Variants in ASIC2 observed in about 807,000 individuals in gnomAD.
ASIC2 encodes acid-sensing ion channel 2.
ASIC2 carries 25 observed loss-of-function variants against 57.3 expected under a neutral mutation model. The observed-to-expected ratio is 0.44, with a 90% confidence interval of 0.32 to 0.61. ASIC2 has a LOEUF of 0.61. Ranked by LOEUF, ASIC2 falls within the 20% of genes least tolerant of loss-of-function variation. ASIC2 has a pLI of 0.06. For synonymous variants in ASIC2, 319 were observed against 307.5 expected, an observed-to-expected ratio of 1.04 and a Z score of -0.39; for missense variants, 641 against 738.1, an observed-to-expected ratio of 0.87 and a Z score of 1.52.
At chr17:33,801,132 A>T (rs933111624) in intron 1 of ASIC2, among the ~76,000 whole-genome samples, 15 of 152,152 alleles carry the variant, frequency 9.9e-5, no homozygotes, top group African/African-American at 3.4e-4. Context: ...TGGCCTGGAG[A>T]ACTAGACTTG....
At chr17:33,445,780 A>G (rs1911992216) in intron 1 of ASIC2, among the ~76,000 whole-genome samples, 1 of 139,640 alleles carries the variant, frequency 7.2e-6, no homozygotes, top group African/African-American at 2.6e-5. Flanking sequence ...CTGGGCAACA[A>G]GAGCGAAACT....
intron 1 of ASIC2, among the ~76,000 whole-genome samples, chr17:33,189,229 C>T (rs1391723294): frequency 6.6e-6 from 1 of 151,994 alleles, no homozygotes; most frequent in Non-Finnish European, 1.5e-5. Context: ...CCCCCCACCC[C>T]CTAACAAAGA....
chr17:33,708,329 T>C (rs558525658), intron 1 of ASIC2, among the ~76,000 whole-genome samples: 1 of 152,248 alleles, frequency 6.6e-6, no homozygotes, highest in African/African-American at 2.4e-5. Context: ...TATGCAAAGT[T>C]AAATTTTAGT....
intron 3 of ASIC2, among the ~76,000 whole-genome samples, chr17:33,029,322 C>T (rs972924026): frequency 6.6e-6 from 1 of 152,214 alleles, no homozygotes; most frequent in Non-Finnish European, 1.5e-5. Flanking sequence ...TATGAATTCT[C>T]TCACCATAGG....
chr17:33,366,620 C>T (rs1347141296), intron 1 of ASIC2, among the ~76,000 whole-genome samples: 1 of 152,246 alleles, frequency 6.6e-6, no homozygotes, highest in Non-Finnish European at 1.5e-5. Context: ...TTATAACCCT[C>T]ACTAAACTAT....
intron 1 of ASIC2, among the ~76,000 whole-genome samples, chr17:34,016,063 C>A (rs1906941622): frequency 6.6e-6 from 1 of 152,216 alleles, no homozygotes; most frequent in South Asian, 2.1e-4. Context: ...AACATGCAAG[C>A]AATATCCATC....
intron 1 of ASIC2, among the ~76,000 whole-genome samples, chr17:33,971,397 A>T (rs1905225778): frequency 6.6e-6 from 1 of 152,188 alleles, no homozygotes; most frequent in Admixed American, 6.5e-5. Context: ...GGCAAGTCTA[A>T]AGGCAACCAG....
At chr17:33,665,347 A>C (rs1907436585) in intron 1 of ASIC2, among the ~76,000 whole-genome samples, 1 of 152,156 alleles carries the variant, frequency 6.6e-6, no homozygotes, top group Non-Finnish European at 1.5e-5. Context: ...TCTGTAGACA[A>C]TGGCACCGTG....
intron 1 of ASIC2, among the ~76,000 whole-genome samples, chr17:33,951,988 A>G (rs961452437): frequency 3.3e-5 from 5 of 152,192 alleles, no homozygotes; most frequent in Admixed American, 1.3e-4. Context: ...ACGTGTGATC[A>G]ATTTGTGGAA....
intron 1 of ASIC2, among the ~76,000 whole-genome samples, chr17:33,156,875 A>G (rs561671445): frequency 1.9e-4 from 29 of 152,312 alleles, no homozygotes; most frequent in African/African-American, 6.7e-4. Flanking sequence ...TCATGATTTT[A>G]AAAAGCTGTC....
chr17:33,270,956 C>A (rs1904468370), intron 1 of ASIC2, among the ~76,000 whole-genome samples: 1 of 152,160 alleles, frequency 6.6e-6, no homozygotes, highest in Admixed American at 6.5e-5. Context: ...GATGTTAGAG[C>A]TTGGTCAAAG....
intron 1 of ASIC2, among the ~76,000 whole-genome samples, chr17:33,767,087 C>T (rs928726624): frequency 2.0e-5 from 3 of 152,214 alleles, no homozygotes; most frequent in Non-Finnish European, 2.9e-5. Context: ...TCAGTGTGTG[C>T]GATTCAGTGC....
intron 1 of ASIC2, among the ~76,000 whole-genome samples, chr17:34,098,216 G>A (rs572097442): frequency 2.6e-5 from 4 of 152,262 alleles, no homozygotes; most frequent in South Asian, 4.1e-4. Flanking sequence ...CAGACAAAGC[G>A]CATGGAAGCA....
chr17:33,130,587 T>C (rs769438831), intron 1 of ASIC2, among the ~76,000 whole-genome samples: 4 of 152,226 alleles, frequency 2.6e-5, no homozygotes, highest in Non-Finnish European at 5.9e-5. Context: ...ATCTGCATGC[T>C]CCTCAACTCC....
At chr17:33,154,746 T>A (rs555303746) in intron 1 of ASIC2, among the ~76,000 whole-genome samples, 1 of 152,316 alleles carries the variant, frequency 6.6e-6, no homozygotes, top group East Asian at 1.9e-4. Flanking sequence ...TGCTTGGAGC[T>A]TTTTGCAAAA....
chr17:33,169,765 G>A (rs913625332), intron 1 of ASIC2, among the ~76,000 whole-genome samples: 3 of 152,212 alleles, frequency 2.0e-5, no homozygotes, highest in African/African-American at 7.2e-5. Flanking sequence ...ATATAGCAGA[G>A]GGGGTTTCTG....
chr17:33,234,980 G>C (rs1169772644), intron 1 of ASIC2, among the ~76,000 whole-genome samples: 1 of 152,140 alleles, frequency 6.6e-6, no homozygotes, highest in African/African-American at 2.4e-5. Flanking sequence ...ACAAAACTGC[G>C]GCTGCATCCT....
chr17:33,241,711 G>A (rs1908512696), intron 1 of ASIC2, among the ~76,000 whole-genome samples: 1 of 152,132 alleles, frequency 6.6e-6, no homozygotes, highest in Non-Finnish European at 1.5e-5. Flanking sequence ...TTCTACCCAG[G>A]ACACATGCTC....
At chr17:33,361,387 T>A (rs1908601146) in intron 1 of ASIC2, among the ~76,000 whole-genome samples, 1 of 152,164 alleles carries the variant, frequency 6.6e-6, no homozygotes, top group Non-Finnish European at 1.5e-5. Context: ...AATGTGGACC[T>A]GATGGTGAGA....
Sources: gnomAD v4.1 joint callset for allele counts (sites outside exome capture counted in the v4.1 genomes callset) on GRCh38, gnomAD v4.1.1 for gene constraint, MANE v1.5 for transcripts, NCBI Gene and HGNC (gene_info 2026-07-23, HGNC 2026-07-21) for gene names.